Variants in FAM118A observed in about 807,000 individuals in gnomAD.
FAM118A encodes the protein SIR2 antiphage like 2, also known as protein FAM118A.
A neutral mutation model predicts 38.2 loss-of-function variants in FAM118A; 25 were observed. The observed-to-expected ratio is 0.65, with a 90% CI of 0.48 to 0.91. The LOEUF (loss-of-function observed/expected upper bound fraction) is 0.91. FAM118A is among the 40% of genes least tolerant of loss of function. FAM118A has a pLI of 0.00. For synonymous variants in FAM118A, 178 were observed against 184.1 expected, an observed-to-expected ratio of 0.97 and a Z score of 0.27; for missense variants, 425 against 463.3, an observed-to-expected ratio of 0.92 and a Z score of 0.76.
intron 1 of FAM118A, among the ~76,000 whole-genome samples, chr22:45,310,450 C>G (rs1028707957): frequency 1.3e-5 from 2 of 152,094 alleles, no homozygotes; most frequent in African/African-American, 4.8e-5. Flanking sequence ...CGGAAACTCT[C>G]GAGGTTCCCT....
At chr22:45,339,012 G>A (rs1013316412) in intron 8 of FAM118A, among the ~76,000 whole-genome samples, 3 of 152,242 alleles carry the variant, frequency 2.0e-5, no homozygotes, top group Admixed American at 6.5e-5. Flanking sequence ...GCGTCCTGCC[G>A]TCCAGGGGCA....
intron 1 of FAM118A, among the ~76,000 whole-genome samples, chr22:45,317,694 G>A (rs770262010): frequency 1.3e-5 from 2 of 152,196 alleles, no homozygotes; most frequent in African/African-American, 2.4e-5. Flanking sequence ...CCCAGGTCCC[G>A]GCCCAGCAGG....
chr22:45,319,280 C>A (rs112348932), intron 1 of FAM118A, among the ~76,000 whole-genome samples: 1 of 151,932 alleles, frequency 6.6e-6, no homozygotes, highest in African/African-American at 2.4e-5. Flanking sequence ...CGTGTACAGA[C>A]GGCTGAACTA....
At chr22:45,322,047 T>C in intron 1 of FAM118A, 1 of 452,580 alleles carries the variant, frequency 2.2e-6, no homozygotes, top group Non-Finnish European at 4.0e-6. Flanking sequence ...TCTAGAGCAG[T>C]GTCCCAAGAG....
At chr22:45,328,557 A>G (rs2085479489) in intron 4 of FAM118A, 2 of 700,442 alleles carry the variant, frequency 2.9e-6, no homozygotes, top group Non-Finnish European at 2.6e-6. Flanking sequence ...GCTTGAGCCC[A>G]GGAGTTCCAG....
At chr22:45,312,072 A>C (rs981021806) in intron 1 of FAM118A, among the ~76,000 whole-genome samples, 1 of 152,036 alleles carries the variant, frequency 6.6e-6, no homozygotes, top group African/African-American at 2.4e-5. Context: ...CTGTGTGTGG[A>C]AAAACCACCC....
intron 6 of FAM118A, among the ~76,000 whole-genome samples, chr22:45,334,275 G>C (rs1467750520): frequency 1.3e-5 from 2 of 152,138 alleles, no homozygotes; most frequent in Non-Finnish European, 2.9e-5. Context: ...AGCTTGGAAA[G>C]GCCTGTGCTG....
intron 6 of FAM118A, among the ~76,000 whole-genome samples, chr22:45,333,235 G>A (rs1283370017): frequency 6.6e-6 from 1 of 152,156 alleles, no homozygotes; most frequent in Non-Finnish European, 1.5e-5. Flanking sequence ...GAACTTTAAA[G>A]TAACTTCAGG....
At chr22:45,315,689 G>A (rs1027666298) in intron 1 of FAM118A, among the ~76,000 whole-genome samples, 2 of 151,158 alleles carry the variant, frequency 1.3e-5, no homozygotes, top group Non-Finnish European at 3.0e-5. Flanking sequence ...GGTTTAGAGA[G>A]GTCTACCTGG....
intron 7 of FAM118A, among the ~76,000 whole-genome samples, chr22:45,335,967 G>T (rs1445586667): frequency 6.6e-6 from 1 of 152,212 alleles, no homozygotes; most frequent in African/African-American, 2.4e-5. Flanking sequence ...TCTGTGCGCA[G>T]CCCTGTTTTC....
At chr22:45,327,521 C>G (rs2085363044) in intron 3 of FAM118A, among the ~76,000 whole-genome samples, 1 of 152,182 alleles carries the variant, frequency 6.6e-6, no homozygotes, top group Non-Finnish European at 1.5e-5. Context: ...TTAGAACATT[C>G]TCCACGAGCC....
At chr22:45,335,975 T>C (rs2086062881) in intron 7 of FAM118A, among the ~76,000 whole-genome samples, 1 of 152,236 alleles carries the variant, frequency 6.6e-6, no homozygotes, top group African/African-American at 2.4e-5. Context: ...CAGCCCTGTT[T>C]TCCCTGGCTG....
At chr22:45,329,887 C>T (rs1217786713) in intron 4 of FAM118A, 2 of 152,254 alleles carry the variant, frequency 1.3e-5, no homozygotes, top group African/African-American at 2.4e-5. Context: ...TGTGCGGGCT[C>T]CGGGGTGAAG....
In FAM118A at chr22:45,323,291, G is replaced by T. The variant is rs2085014023; in HGVS notation, c.164G>T (p.Cys55Phe). The T allele has an allele frequency of 6.2e-7, 1 of 1,614,084 alleles. No individual in the cohort carries two copies. Among genetic ancestry groups the T allele is most frequent in the African/African-American group, 1.3e-5 (1 of 74,954 alleles). The change falls in exon 3 of 9, where the codon TGC (cysteine) becomes TTC (phenylalanine). Residue 55 changes from cysteine to phenylalanine, a missense_variant. Cys to Phe is a radical substitution (Grantham distance 205, BLOSUM62 -2). Coordinates refer to ENST00000441876, the MANE Select transcript of FAM118A (RefSeq NM_017911.4). ...GIPALCSWRSCIEAVIEAAEQ... is the reference protein window; with the variant it reads ...GIPALCSWRSFIEAVIEAAEQ... ...CCTGCCCTTTGCTCGTGGAGAAGCT[G>T]CATCGAGGCCGTCATCGAGGCTGCA...
intron 4 of FAM118A, chr22:45,328,584 A>T (rs571416671): frequency 1.1e-5 from 7 of 655,500 alleles, no homozygotes; most frequent in Non-Finnish European, 1.9e-5. Flanking sequence ...ATGAGCTATG[A>T]TCATGCCACT....
intron 2 of FAM118A, 73 bp downstream of exon 2, chr22:45,322,499 C>A: frequency 7.5e-7 from 1 of 1,326,712 alleles, no homozygotes; most frequent in Admixed American, 2.1e-5. Context: ...TGTGCGCACT[C>A]GTTCTTTAGT....
rs758866320 is a variant in FAM118A at position 45,327,838 on chromosome 22, G to A, written c.301-4G>A. Reference sequence around the variant, plus strand: ...TTGGTAACTGTCGTTCCACCTTTTTGTAGCGCACAGGCGATGCCAAGCCCA... The same window carrying A: ...TTGGTAACTGTCGTTCCACCTTTTTATAGCGCACAGGCGATGCCAAGCCCA... On this transcript the variant is annotated splice_polypyrimidine_tract_variant and splice_region_variant and intron_variant, in intron 3 of 8. Transcript: ENST00000441876. 6.2e-7 allele frequency: 1 copy of A among 1,614,194 alleles called. No individual in the cohort carries two copies. Among genetic ancestry groups the A allele is most frequent in the Non-Finnish European group, 8.5e-7 (1 of 1,180,016 alleles).
intron 8 of FAM118A, among the ~76,000 whole-genome samples, chr22:45,336,909 T>A (rs1235429586): frequency 1.3e-5 from 2 of 152,190 alleles, no homozygotes; most frequent in South Asian, 4.1e-4. Flanking sequence ...CTTTAACTCA[T>A]TTGAGCTTTG....
chr22:45,332,397 A>G lies in FAM118A; in HGVS notation c.652-28A>G, dbSNP rs200554822. On this transcript the variant is annotated intron_variant, in intron 5 of 8. Coordinates refer to ENST00000441876, the MANE Select transcript of FAM118A (RefSeq NM_017911.4). ...AGCTCTTGCTGTCTTTCAAATGAGC[A>G]CTCAATTTCTTCATTGGCCTTTTCT... 167 of 1,592,764 alleles carry G rather than the reference A, an allele frequency of 1.0e-4. 2 individuals carry two copies. In the East Asian group the frequency reaches 3.6e-3, roughly 35 times the overall value.
Sources: allele counts gnomAD v4.1 joint callset (sites outside exome capture counted in the v4.1 genomes callset), GRCh38; gene constraint gnomAD v4.1.1; transcripts MANE v1.5; gene names NCBI Gene and HGNC (gene_info 2026-07-23, HGNC 2026-07-21).